NLGN1: variants seen among roughly 807,000 people sequenced by gnomAD.
NLGN1 encodes the protein neuroligin-1.
Under a neutral mutation model 65.5 loss-of-function variants are expected in NLGN1, and 12 were observed. The observed-to-expected ratio is 0.18, with a 90% CI of 0.12 to 0.30. NLGN1 has a LOEUF of 0.30. Among genes scored for constraint, NLGN1 ranks in the 10% least tolerant of loss-of-function variants. The pLI is 1.00. For synonymous variants in NLGN1, 350 were observed against 359.5 expected (o/e 0.97, Z 0.30); for missense variants, 750 against 1,007.1 (o/e 0.74, Z 3.46).
intron 3 of NLGN1, among the ~76,000 whole-genome samples, chr3:173,715,578 C>T (rs1053860333): frequency 6.6e-6 from 1 of 152,098 alleles, no homozygotes; most frequent in Non-Finnish European, 1.5e-5. Flanking sequence ...GGTTCTGTAT[C>T]CCTTTTATTA....
intron 2 of NLGN1, among the ~76,000 whole-genome samples, chr3:173,552,853 AAC>A: frequency 6.6e-6 from 1 of 152,186 alleles, no homozygotes. Context: ...ATGTTTATAT[AAC>A]ACACAGTAGT....
At position 174,144,168 on chromosome 3, in the gene NLGN1, T is replaced by A. The variant is rs1357736081; in HGVS notation, c.647-131147T>A. Among the ~76,000 whole-genome samples the A allele has an allele frequency of 2.0e-5, 3 of 152,258 alleles. No individual in the cohort carries two copies. The South Asian group carries it at 6.2e-4, about 31-fold the overall frequency. ...CTTATGAGTGAGAACATGCAGTGTT[T>A]GGTTTTCTGTTCCTGTGTTAGTTTG... On this transcript the variant is annotated intron_variant, in intron 4 of 6. Transcript: ENST00000457714.
At chr3:173,522,290 CT>C (rs1158732795) in intron 2 of NLGN1, among the ~76,000 whole-genome samples, 1 of 152,190 alleles carries the variant, frequency 6.6e-6, no homozygotes, top group Non-Finnish European at 1.5e-5. Flanking sequence ...CTGTTTCATT[CT>C]TTTTTATGGC....
At chr3:174,003,698 T>C (rs1723780096) in intron 4 of NLGN1, among the ~76,000 whole-genome samples, 1 of 152,164 alleles carries the variant, frequency 6.6e-6, no homozygotes, top group Non-Finnish European at 1.5e-5. Flanking sequence ...TAAAGAAAGA[T>C]GGAAAATTAG....
chr3:173,674,277 C>A (rs184310601), intron 3 of NLGN1, among the ~76,000 whole-genome samples: 24 of 152,148 alleles, frequency 1.6e-4, no homozygotes, highest in Admixed American at 1.5e-3. Context: ...AGTAAAATGG[C>A]CTTGTCTAAA....
chr3:174,242,812 T>G (rs1305317796), intron 4 of NLGN1, among the ~76,000 whole-genome samples: 1 of 152,058 alleles, frequency 6.6e-6, no homozygotes, highest in Non-Finnish European at 1.5e-5. Flanking sequence ...CCCGCCCCCA[T>G]CCATGGAAAA....
At chr3:173,835,855 T>C (rs1723535478) in intron 4 of NLGN1, among the ~76,000 whole-genome samples, 1 of 152,136 alleles carries the variant, frequency 6.6e-6, no homozygotes, top group Non-Finnish European at 1.5e-5. Flanking sequence ...CATAAATCAA[T>C]AGATAAGGGA....
chr3:173,712,760 A>G (rs1465858306), intron 3 of NLGN1, among the ~76,000 whole-genome samples: 1 of 152,144 alleles, frequency 6.6e-6, no homozygotes, highest in South Asian at 2.1e-4. Context: ...TATAAGTGCA[A>G]CTAGTTGTGT....
intron 2 of NLGN1, among the ~76,000 whole-genome samples, chr3:173,565,930 C>A (rs1743584305): frequency 6.6e-6 from 1 of 152,152 alleles, no homozygotes; most frequent in Non-Finnish European, 1.5e-5. Context: ...TATGAAAATT[C>A]AGAGGATTGA....
Position 173,751,785 on chromosome 3 carries a change from A to C in NLGN1, c.494-55895A>C, listed in dbSNP as rs1430495895. Among the ~76,000 whole-genome samples the C allele has an allele frequency of 2.6e-5, 4 of 152,202 alleles. No individual in the cohort carries two copies. In the East Asian group the frequency reaches 7.7e-4, roughly 29 times the overall value. On this transcript the variant is annotated intron_variant, in intron 3 of 6. Coordinates refer to ENST00000457714, the Ensembl canonical transcript of NLGN1. ...ATAGCTACTAAGCACTACTCCAGAC[A>C]CTATGCTAAGAGCTGTACCTATATT...
chr3:173,902,989 G>T lies in NLGN1; in HGVS notation c.646+95157G>T, dbSNP rs1737657162. Among the ~76,000 whole-genome samples the T allele has an allele frequency of 2.0e-5, 3 of 152,068 alleles. No individual in the cohort carries two copies. In the East Asian group the frequency reaches 5.8e-4, roughly 29 times the overall value. ...TTACTGCTATAATCAAAATGCTATA[G>T]GAATTTGAGGGCTTACCACCCAACT... On this transcript the variant is annotated intron_variant, in intron 4 of 6. Transcript: ENST00000457714.
chr3:173,622,024 C>T (rs558752705), intron 3 of NLGN1, among the ~76,000 whole-genome samples: 2 of 152,016 alleles, frequency 1.3e-5, no homozygotes, highest in African/African-American at 4.8e-5. Flanking sequence ...CATTTTTTAC[C>T]AAAGCAGGGA....
chr3:173,934,124 T>A (rs12490705), intron 4 of NLGN1, among the ~76,000 whole-genome samples: 1 of 150,816 alleles, frequency 6.6e-6, no homozygotes, highest in Non-Finnish European at 1.5e-5. Context: ...TACATGTAAA[T>A]GAACTTTAAA....
chr3:173,658,191 A>C (rs752475507), intron 3 of NLGN1, among the ~76,000 whole-genome samples: 1 of 151,996 alleles, frequency 6.6e-6, no homozygotes, highest in East Asian at 1.9e-4. Flanking sequence ...ACTATGAACA[A>C]TCAAAGAGAT....
At chr3:174,122,990 A>T (rs1472662375) in intron 4 of NLGN1, among the ~76,000 whole-genome samples, 2 of 152,154 alleles carry the variant, frequency 1.3e-5, no homozygotes, top group Non-Finnish European at 2.9e-5. Flanking sequence ...GATAGCAAGC[A>T]TATGTGCAAA....
chr3:173,550,627 TGTAACCTGCA>T (rs1740672889), intron 2 of NLGN1, among the ~76,000 whole-genome samples: 1 of 151,722 alleles, frequency 6.6e-6, no homozygotes, highest in Non-Finnish European at 1.5e-5. Flanking sequence ...AAACCACATT[TGTAACCTGCA>T]ATGTCTTTTT....
intron 4 of NLGN1, among the ~76,000 whole-genome samples, chr3:174,146,082 T>C (rs1211697509): frequency 6.6e-6 from 1 of 151,622 alleles, no homozygotes; most frequent in African/African-American, 2.4e-5. Context: ...CCTATTAATC[T>C]ATTCTACTCT....
rs1297834286 is a variant in NLGN1, at chr3:173,586,085, T to A, written c.-320-18194T>A. Among the ~76,000 whole-genome samples, 7 of 152,194 alleles carry A rather than the reference T, an allele frequency of 4.6e-5. No homozygotes were observed. The East Asian group carries it at 1.3e-3, about 29-fold the overall frequency. ...ATTTGAGGGATGTATATAAATGTGT[T>A]CAGTAGGTTAACGAATCTGAGACTT... is the stretch of plus-strand genomic sequence containing the variant. On this transcript the variant is annotated intron_variant, in intron 2 of 6. Coordinates refer to ENST00000457714, the Ensembl canonical transcript of NLGN1.
chr3:173,827,654 T>TGTGTGTGTGTGTG (rs1326275748), intron 4 of NLGN1, among the ~76,000 whole-genome samples: 1 of 81,904 alleles, frequency 1.2e-5, no homozygotes, highest in African/African-American at 3.8e-5. Flanking sequence ...TGTGTGTGTG[T>TGTGTGTGTGTGTG]GTGTGTGTGT....
Sources: allele counts gnomAD v4.1 joint callset (sites outside exome capture counted in the v4.1 genomes callset), GRCh38; gene constraint gnomAD v4.1.1; transcripts MANE v1.5; gene names NCBI Gene and HGNC (gene_info 2026-07-23, HGNC 2026-07-21).